Variants in SLC35F1 observed in about 807,000 individuals in gnomAD.
The protein encoded by SLC35F1 is solute carrier family 35 member F1, also known as chromosome 6 open reading frame 169.
A neutral mutation model predicts 48.7 loss-of-function variants in SLC35F1; 14 were observed. That is an observed-to-expected ratio of 0.29 (90% confidence interval 0.19 to 0.45). The LOEUF is 0.45. Among genes scored for constraint, SLC35F1 ranks in the 20% least tolerant of loss-of-function variants. The pLI, the probability that SLC35F1 is intolerant of heterozygous loss-of-function variation, is 1.00. For missense variants in SLC35F1, 404 were observed against 500.0 expected (o/e 0.81, Z 1.83); for synonymous variants, 190 against 202.2 (o/e 0.94, Z 0.51).
intron 1 of SLC35F1, among the ~76,000 whole-genome samples, chr6:118,103,879 T>C (rs751074859): frequency 1.1e-4 from 17 of 152,190 alleles, no homozygotes; most frequent in Non-Finnish European, 1.5e-4. Flanking sequence ...CAGTTATTTT[T>C]AGCTAATAAT....
intron 1 of SLC35F1, among the ~76,000 whole-genome samples, chr6:118,004,665 G>C (rs1238898575): frequency 6.6e-6 from 1 of 152,082 alleles, no homozygotes; most frequent in African/African-American, 2.4e-5. Context: ...GGGTTCAAGT[G>C]ATCCTCCCAC....
intron 1 of SLC35F1, among the ~76,000 whole-genome samples, chr6:118,083,029 A>G (rs1026089776): frequency 2.0e-5 from 3 of 152,174 alleles, no homozygotes; most frequent in African/African-American, 7.2e-5. Context: ...TGCTAGGCAG[A>G]GAAAAACAAC....
chr6:118,133,286 G>C (rs1773743992), intron 1 of SLC35F1, among the ~76,000 whole-genome samples: 1 of 152,056 alleles, frequency 6.6e-6, no homozygotes, highest in Non-Finnish European at 1.5e-5. Context: ...ATGAAACCCA[G>C]GTGCAAATGC....
At chr6:118,226,485 T>TACAC (rs1233953929) in intron 2 of SLC35F1, among the ~76,000 whole-genome samples, 80,553 of 150,544 alleles carry the variant, frequency 0.54, 21,656 homozygotes, top group Middle Eastern at 0.6. Flanking sequence ...GATGAATGGA[T>TACAC]ACACACACAC....
intron 1 of SLC35F1, among the ~76,000 whole-genome samples, chr6:118,148,420 A>C (rs754678724): frequency 9.2e-5 from 14 of 152,208 alleles, no homozygotes; most frequent in African/African-American, 3.4e-4. Context: ...AATTTGTAAC[A>C]CAAGTTTACT....
chr6:118,144,101 G>T (rs2114448395), intron 1 of SLC35F1, among the ~76,000 whole-genome samples: 1 of 152,200 alleles, frequency 6.6e-6, no homozygotes, highest in African/African-American at 2.4e-5. Flanking sequence ...ATACCCAAAG[G>T]AATATAAATC....
At chr6:118,045,670 G>A (rs1772289189) in intron 1 of SLC35F1, among the ~76,000 whole-genome samples, 1 of 152,142 alleles carries the variant, frequency 6.6e-6, no homozygotes, top group African/African-American at 2.4e-5. Flanking sequence ...CTGGAAGGAG[G>A]ATGGAAGGGA....
At chr6:118,038,636 A>G (rs1772167952) in intron 1 of SLC35F1, among the ~76,000 whole-genome samples, 1 of 151,634 alleles carries the variant, frequency 6.6e-6, no homozygotes, top group Non-Finnish European at 1.5e-5. Context: ...TATTATTATT[A>G]TTTGAGATAA....
chr6:118,212,823 G>A (rs1205175930), intron 2 of SLC35F1, among the ~76,000 whole-genome samples: 1 of 151,276 alleles, frequency 6.6e-6, no homozygotes, highest in East Asian at 1.9e-4. Flanking sequence ...CAAATTCTCA[G>A]CAGCACTATT....
chr6:117,923,702 T>TATATATAC lies in SLC35F1; in HGVS notation c.173+15807_173+15808insATACATAT, dbSNP rs1775957974. On this transcript the variant is annotated intron_variant, in intron 1 of 7. Coordinates refer to ENST00000360388, the MANE Select transcript of SLC35F1 (RefSeq NM_001029858.4). ...ACATATATACATATGTACATATACA[T>TATATATAC]ATATGTACATATATACATATATACA... is the stretch of plus-strand genomic sequence containing the variant. Among the ~76,000 whole-genome samples the TATATATAC allele has an allele frequency of 2.3e-4, 4 of 17,486 alleles. 1 individual carries two copies. In the Admixed American group the frequency reaches 3.4e-3, roughly 15 times the overall value. 11.5% of individuals were successfully genotyped at this position (17,486 alleles called of 152,430 possible).
intron 2 of SLC35F1, among the ~76,000 whole-genome samples, chr6:118,214,026 T>C (rs1775041172): frequency 6.6e-6 from 1 of 152,240 alleles, no homozygotes; most frequent in Non-Finnish European, 1.5e-5. Context: ...TACATTGGTA[T>C]AGCCAATTAC....
At chr6:118,136,519 C>T (rs558046212) in intron 1 of SLC35F1, among the ~76,000 whole-genome samples, 1 of 152,250 alleles carries the variant, frequency 6.6e-6, no homozygotes, top group Non-Finnish European at 1.5e-5. Context: ...TTATTTGTAT[C>T]TTGAAGGAAT....
At chr6:117,961,883 C>G (rs1776502661) in intron 1 of SLC35F1, among the ~76,000 whole-genome samples, 1 of 152,112 alleles carries the variant, frequency 6.6e-6, no homozygotes, top group African/African-American at 2.4e-5. Flanking sequence ...CCTAGTCTTA[C>G]AGTTTATACA....
intron 1 of SLC35F1, among the ~76,000 whole-genome samples, chr6:117,910,632 T>C (rs778627192): frequency 6.1e-4 from 93 of 152,348 alleles, no homozygotes; most frequent in Non-Finnish European, 1.1e-3. Flanking sequence ...CAGCATTCTA[T>C]TGCTGTGGGC....
chr6:118,152,040 G>C (rs553787273), intron 1 of SLC35F1, among the ~76,000 whole-genome samples: 1 of 152,158 alleles, frequency 6.6e-6, no homozygotes, highest in East Asian at 1.9e-4. Flanking sequence ...CAGCTGAGGC[G>C]AGAGGTATAA....
intron 1 of SLC35F1, among the ~76,000 whole-genome samples, chr6:117,909,823 G>A (rs1167011293): frequency 1.3e-5 from 2 of 152,086 alleles, no homozygotes; most frequent in Admixed American, 6.5e-5. Flanking sequence ...CTAATGAAAC[G>A]ATCTGTGACA....
intron 7 of SLC35F1, among the ~76,000 whole-genome samples, chr6:118,313,641 GA>G (rs1363077485): frequency 6.6e-6 from 1 of 152,168 alleles, no homozygotes; most frequent in Non-Finnish European, 1.5e-5. Context: ...CCCTAAAGGG[GA>G]TATCTGTATT....
At chr6:117,973,181 G>A (rs1295417485) in intron 1 of SLC35F1, among the ~76,000 whole-genome samples, 1 of 152,120 alleles carries the variant, frequency 6.6e-6, no homozygotes, top group African/African-American at 2.4e-5. Context: ...TTCTTGCTGT[G>A]CTTTCACATG....
intron 1 of SLC35F1, among the ~76,000 whole-genome samples, chr6:117,927,507 G>A (rs1326570225): frequency 6.6e-6 from 1 of 152,192 alleles, no homozygotes; most frequent in African/African-American, 2.4e-5. Flanking sequence ...TCACAGGGCA[G>A]GGAGAGAAGG....
Sources: allele counts gnomAD v4.1 joint callset (sites outside exome capture counted in the v4.1 genomes callset), GRCh38; gene constraint gnomAD v4.1.1; transcripts MANE v1.5; gene names NCBI Gene and HGNC (gene_info 2026-07-23, HGNC 2026-07-21).